Variants in CREM observed in about 807,000 individuals in gnomAD.
CREM encodes cAMP responsive element modulator, also known as cAMP-responsive element modulator.
Under a neutral mutation model 37.3 loss-of-function variants are expected in CREM, and 13 were observed. That is an observed-to-expected ratio of 0.35 (90% CI 0.23 to 0.55). The LOEUF (loss-of-function observed/expected upper bound fraction) is 0.55, where lower values mean the gene tolerates loss of function less well. CREM is among the 20% of genes least tolerant of loss of function. The pLI is 0.88. For missense variants in CREM, 296 were observed against 362.3 expected (o/e 0.82, Z 1.49); for synonymous variants, 124 against 120.2 (o/e 1.03, Z -0.21).
intron 1 of CREM, 53 bp from the exon 2 acceptor site, chr10:35,137,729 T>C (rs1010803226): frequency 1.8e-5 from 13 of 728,972 alleles, no homozygotes; most frequent in African/African-American, 3.8e-5. Context: ...ATTTGAGAGT[T>C]TTTGAAGTGA....
chr10:35,203,332 C>T (rs1457609861), intron 6 of CREM, among the ~76,000 whole-genome samples: 1 of 152,168 alleles, frequency 6.6e-6, no homozygotes, highest in African/African-American at 2.4e-5. Context: ...AGGCGTGAGC[C>T]ACCATGTCTG....
At chr10:35,189,718 A>G (rs932555442) in intron 6 of CREM, among the ~76,000 whole-genome samples, 15 of 152,056 alleles carry the variant, frequency 9.9e-5, no homozygotes, top group Admixed American at 3.3e-4. Flanking sequence ...GTTTCACCGT[A>G]TTGCCCAGGC....
At chr10:35,165,892 A>G (rs2093526458) in intron 3 of CREM, among the ~76,000 whole-genome samples, 2 of 152,300 alleles carry the variant, frequency 1.3e-5, no homozygotes, top group Admixed American at 1.3e-4. Flanking sequence ...GCTTACTGGA[A>G]GCATTATCAA....
intron 6 of CREM, among the ~76,000 whole-genome samples, chr10:35,206,686 T>G (rs535273738): frequency 3.3e-5 from 5 of 152,326 alleles, no homozygotes; most frequent in Admixed American, 2.6e-4. Flanking sequence ...CTACCTTAAG[T>G]GTTTAGAGCA....
At chr10:35,175,461 A>G (rs1340491010) in intron 3 of CREM, 6 of 514,282 alleles carry the variant, frequency 1.2e-5, no homozygotes, top group East Asian at 1.0e-4. Context: ...AAAAAGAACC[A>G]TAGTTAAGTT....
chr10:35,194,802 G>A (rs2095078819), intron 6 of CREM, among the ~76,000 whole-genome samples: 1 of 150,986 alleles, frequency 6.6e-6, no homozygotes, highest in Non-Finnish European at 1.5e-5. Context: ...ATTATGTTGG[G>A]TTTATTCTCC....
intron 3 of CREM, among the ~76,000 whole-genome samples, chr10:35,178,395 C>T (rs1028775346): frequency 2.6e-5 from 4 of 152,154 alleles, no homozygotes; most frequent in Admixed American, 2.6e-4. Flanking sequence ...ACTTGCTTAT[C>T]TACTTAAATA....
chr10:35,148,258 G>A, intron 2 of CREM, 110 bp from the exon 3 acceptor site: 2 of 1,126,242 alleles, frequency 1.8e-6, no homozygotes, highest in Non-Finnish European at 2.5e-6. Context: ...GAAAGTTTCA[G>A]ATTTTGGAGC....
chr10:35,193,461 G>C lies in CREM; in HGVS notation c.598+5073G>C, dbSNP rs536572565. On this transcript the variant is annotated intron_variant, in intron 6 of 7. Coordinates refer to ENST00000685392, the MANE Select transcript of CREM (RefSeq NM_183011.2). Reference sequence around the variant, plus strand: ...AAAATCAATTTCTTATTGATTTTCTGAAATTTGAAATAAAATTTACTAATA... The same window carrying C: ...AAAATCAATTTCTTATTGATTTTCTCAAATTTGAAATAAAATTTACTAATA... Among the ~76,000 whole-genome samples, 12 of 151,968 alleles carry C rather than the reference G, an allele frequency of 7.9e-5. No individual in the cohort carries two copies. The East Asian group carries it at 1.4e-3, about 17-fold the overall frequency.
chr10:35,194,482 G>A (rs2095062970), intron 6 of CREM, among the ~76,000 whole-genome samples: 1 of 152,218 alleles, frequency 6.6e-6, no homozygotes, highest in Non-Finnish European at 1.5e-5. Flanking sequence ...GCAAGTTCAT[G>A]TGATTCAATC....
intron 6 of CREM, among the ~76,000 whole-genome samples, chr10:35,199,501 C>T (rs1052349218): frequency 6.6e-6 from 1 of 152,022 alleles, no homozygotes; most frequent in African/African-American, 2.4e-5. Flanking sequence ...TGAATACCAA[C>T]TATAGAAAGT....
chr10:35,152,870 CTT>C (rs1473665571), intron 3 of CREM, among the ~76,000 whole-genome samples: 1 of 152,128 alleles, frequency 6.6e-6, no homozygotes, highest in Non-Finnish European at 1.5e-5. Flanking sequence ...GTTAAAACTT[CTT>C]TTGTTGTGAA....
intron 6 of CREM, among the ~76,000 whole-genome samples, chr10:35,199,887 C>CTTTTT (rs5784443): frequency 3.3e-5 from 4 of 121,362 alleles, no homozygotes; most frequent in Non-Finnish European, 3.3e-5. Context: ...GTTAAAATGG[C>CTTTTT]TTTTTTTTTT....
At chr10:35,152,877 T>A (rs1464926988) in intron 3 of CREM, among the ~76,000 whole-genome samples, 1 of 152,238 alleles carries the variant, frequency 6.6e-6, no homozygotes, top group Non-Finnish European at 1.5e-5. Context: ...CTTCTTTTGT[T>A]GTGAAAGACT....
intron 6 of CREM, among the ~76,000 whole-genome samples, chr10:35,190,559 GT>G (rs1307646525): frequency 6.6e-6 from 1 of 152,078 alleles, no homozygotes; most frequent in Non-Finnish European, 1.5e-5. Context: ...TTGATACAGA[GT>G]TAGTTTTTTG....
chr10:35,138,768 A>G (rs1245688042), intron 2 of CREM, among the ~76,000 whole-genome samples: 1 of 151,766 alleles, frequency 6.6e-6, no homozygotes, highest in East Asian at 1.9e-4. Context: ...TTAATCTGTA[A>G]TCCCAGCACT....
In CREM at chr10:35,186,954, T is replaced by C. The variant is rs1415040463; in HGVS notation, c.410-1246T>C. Among the ~76,000 whole-genome samples the C allele has an allele frequency of 1.3e-3, 124 of 97,736 alleles. 1 individual carries two copies. The highest frequency in any genetic ancestry group is 1.1e-3 in the Non-Finnish European group (63 of 55,588). The allele number at this position is 97,736 out of a possible 152,430, so 64.1% of individuals were successfully genotyped here. A position where few individuals can be genotyped will look rare whatever the true frequency, so the allele number is the denominator to read the frequency against. Reference sequence around the variant, plus strand: ...ATATAAATACAATATAAATTATATATATAAATATATAATTTATATATTATA... The same window carrying C: ...ATATAAATACAATATAAATTATATACATAAATATATAATTTATATATTATA... On this transcript the variant is annotated intron_variant, in intron 5 of 7. Transcript: ENST00000685392.
At chr10:35,168,380 C>T (rs2093652414) in intron 3 of CREM, among the ~76,000 whole-genome samples, 1 of 152,202 alleles carries the variant, frequency 6.6e-6, no homozygotes, top group Non-Finnish European at 1.5e-5. Context: ...TGTCTGTTGG[C>T]TGCATAAATG....
intron 6 of CREM, 136 bp downstream of exon 6, chr10:35,188,524 A>G (rs955179023): frequency 2.9e-5 from 19 of 660,844 alleles, no homozygotes; most frequent in Admixed American, 7.3e-5. Context: ...AAAGGCTTAC[A>G]GAAGAAATAT....
Sources: allele counts gnomAD v4.1 joint callset (sites outside exome capture counted in the v4.1 genomes callset), GRCh38; gene constraint gnomAD v4.1.1; transcripts MANE v1.5; gene names NCBI Gene and HGNC (gene_info 2026-07-23, HGNC 2026-07-21).